The following STMN4 variants were observed in gnomAD, a reference collection of about 807,000 sequenced individuals.
STMN4 encodes the protein stathmin 4.
A neutral mutation model predicts 29.1 loss-of-function variants in STMN4; 12 were observed. That is an observed-to-expected ratio of 0.41 (90% confidence interval 0.26 to 0.67). STMN4 has a LOEUF of 0.67. STMN4 is among the 30% of genes least tolerant of loss of function. The pLI, the probability that STMN4 is intolerant of heterozygous loss-of-function variation, is 0.30. For missense variants in STMN4, 181 were observed against 262.8 expected (o/e 0.69, Z 2.15); for synonymous variants, 114 against 105.3 (o/e 1.08, Z -0.51).
intron 1 of STMN4, among the ~76,000 whole-genome samples, chr8:27,253,091 C>T (rs539735601): frequency 2.0e-4 from 30 of 152,214 alleles, no homozygotes; most frequent in Non-Finnish European, 4.1e-4. Flanking sequence ...TAGTAGCAGC[C>T]ATGGAGCTCT....
At chr8:27,241,841 C>T in intron 3 of STMN4, 84 bp from the exon 4 acceptor site, 2 of 1,534,114 alleles carry the variant, frequency 1.3e-6, no homozygotes, top group Non-Finnish European at 1.8e-6. Context: ...CTGCTTCTAA[C>T]CAGGACATTA....
At chr8:27,254,943 G>T (rs1271573057) in intron 1 of STMN4, among the ~76,000 whole-genome samples, 5 of 151,938 alleles carry the variant, frequency 3.3e-5, no homozygotes, top group African/African-American at 1.2e-4. Context: ...GTGTGTAGGG[G>T]ATGGAGTGGG....
rs778838656 is a variant in STMN4, at chr8:27,240,079, G to A, written c.483C>T (p.Asn161=). The change falls in exon 6 of 7, where the codon AAC becomes AAT. Residue 161 remains asparagine, a synonymous_variant. Coordinates refer to ENST00000350889, the MANE Select transcript of STMN4 (RefSeq NM_030795.4). ...REVIQKAIEE[N]NNFIKMAKEK... ...CCTTAGCCATCTTGATGAAGTTGTT[G>A]TTTTCCTCAATGGCCTTTTGGATCA... 1 of 1,614,194 alleles carries A rather than the reference G, an allele frequency of 6.2e-7. No homozygotes were observed. Among genetic ancestry groups the A allele is most frequent in the Non-Finnish European group, 8.5e-7 (1 of 1,180,036 alleles).
chr8:27,238,083 C>A (rs1052683928), intron 6 of STMN4, among the ~76,000 whole-genome samples: 2 of 152,138 alleles, frequency 1.3e-5, no homozygotes, highest in African/African-American at 4.8e-5. Flanking sequence ...TTTCTGTGGC[C>A]TAGGAGTGAG....
chr8:27,239,290 AAC>A (rs999997015), intron 6 of STMN4: 3 of 1,535,614 alleles, frequency 2.0e-6, no homozygotes, highest in Non-Finnish European at 2.6e-6. Context: ...CTGGAAATAA[AAC>A]ACAGAGCTGG....
At position 27,251,320 on chromosome 8, in the gene STMN4, G is replaced by A. The variant is rs560013780; in HGVS notation, c.-79+7031C>T. Among the ~76,000 whole-genome samples, 15 of 132,752 alleles carry A rather than the reference G, an allele frequency of 1.1e-4. No individual in the cohort carries two copies. In the East Asian group the frequency reaches 2.1e-3, roughly 19 times the overall value. 87.1% of individuals were successfully genotyped at this position (132,752 alleles called of 152,430 possible). A position where few individuals can be genotyped will look rare whatever the true frequency, so the allele number is the denominator to read the frequency against. On this transcript the variant is annotated intron_variant, in intron 1 of 6. Coordinates refer to ENST00000350889, the MANE Select transcript of STMN4 (RefSeq NM_030795.4). Reference sequence around the variant, plus strand: ...TATACATATAATATTATATATATACGTATATACGTGTATATATATTATATA... The same window carrying A: ...TATACATATAATATTATATATATACATATATACGTGTATATATATTATATA...
intron 1 of STMN4, 135 bp from the exon 2 acceptor site, chr8:27,243,936 A>C: frequency 1.3e-6 from 1 of 748,978 alleles, no homozygotes; most frequent in South Asian, 1.8e-5. Flanking sequence ...CTCCCCACCA[A>C]CTCTCCCTGG....
In STMN4 at chr8:27,241,788, G is replaced by A. The variant is rs375272418; in HGVS notation, c.110-31C>T. 16 of 1,612,482 alleles carry A rather than the reference G, an allele frequency of 9.9e-6. No homozygotes were observed. In the African/African-American group the frequency reaches 1.3e-4, roughly 13 times the overall value. ...CAGAAAAAACAACCTCAGGTCATCC[G>A]AGCATGCCTGTTCCTTGGTGCCAGA... On this transcript the variant is annotated intron_variant, in intron 3 of 6. Coordinates refer to ENST00000350889, the MANE Select transcript of STMN4 (RefSeq NM_030795.4).
chr8:27,250,962 G>C (rs1331767783), intron 1 of STMN4, among the ~76,000 whole-genome samples: 1 of 152,146 alleles, frequency 6.6e-6, no homozygotes, highest in Non-Finnish European at 1.5e-5. Flanking sequence ...AATATATGCA[G>C]AAGCGGCTGA....
chr8:27,240,979 G>C (rs1268745324), intron 5 of STMN4, 75 bp downstream of exon 5: 2 of 1,461,798 alleles, frequency 1.4e-6, no homozygotes, highest in Non-Finnish European at 1.9e-6. Flanking sequence ...TCCCAGCTCA[G>C]GTCCACCACC....
At chr8:27,237,380 C>T (rs914795264) in intron 6 of STMN4, among the ~76,000 whole-genome samples, 2 of 152,160 alleles carry the variant, frequency 1.3e-5, no homozygotes, top group Non-Finnish European at 2.9e-5. Flanking sequence ...TTGCCTTAAC[C>T]CTCTTGGTGA....
At chr8:27,250,240 T>C (rs1378162141) in intron 1 of STMN4, among the ~76,000 whole-genome samples, 1 of 152,228 alleles carries the variant, frequency 6.6e-6, no homozygotes, top group African/African-American at 2.4e-5. Context: ...CTCAGAACAG[T>C]GGCCCTGGTT....
At chr8:27,254,553 C>G (rs762851181) in intron 1 of STMN4, among the ~76,000 whole-genome samples, 2 of 151,986 alleles carry the variant, frequency 1.3e-5, no homozygotes, top group Non-Finnish European at 2.9e-5. Context: ...ATGGAAAGGC[C>G]AGCAAGCTTT....
intron 1 of STMN4, among the ~76,000 whole-genome samples, chr8:27,254,612 G>T (rs1363148423): frequency 6.6e-6 from 1 of 152,088 alleles, no homozygotes; most frequent in East Asian, 1.9e-4. Flanking sequence ...GTAGGGGATG[G>T]AGTGGGAGCA....
At chr8:27,238,243 C>T (rs963495826) in intron 6 of STMN4, among the ~76,000 whole-genome samples, 1 of 152,188 alleles carries the variant, frequency 6.6e-6, no homozygotes, top group African/African-American at 2.4e-5. Flanking sequence ...GTCTGGTACA[C>T]AGGGTCAGTG....
At chr8:27,246,555 G>A (rs1209317322) in intron 1 of STMN4, among the ~76,000 whole-genome samples, 3 of 151,658 alleles carry the variant, frequency 2.0e-5, no homozygotes, top group African/African-American at 7.3e-5. Context: ...CTGTGAATAT[G>A]AGCTTATTTG....
chr8:27,253,665 T>A (rs1212290617), intron 1 of STMN4, among the ~76,000 whole-genome samples: 1 of 152,232 alleles, frequency 6.6e-6, no homozygotes, highest in Non-Finnish European at 1.5e-5. Context: ...CTCTAAATTC[T>A]GGTGTTTTCT....
chr8:27,241,321 G>A, intron 4 of STMN4, 59 bp from the exon 5 acceptor site: 1 of 1,599,998 alleles, frequency 6.3e-7, no homozygotes, highest in Non-Finnish European at 8.5e-7. Flanking sequence ...CACCCAGCAA[G>A]CATGCGGCGC....
intron 1 of STMN4, among the ~76,000 whole-genome samples, chr8:27,256,422 T>A (rs1221877559): frequency 2.0e-5 from 3 of 152,228 alleles, no homozygotes; most frequent in Admixed American, 2.0e-4. Flanking sequence ...TTCATAGGCT[T>A]GTAGTCTTAG....
Sources: gnomAD v4.1 joint callset for allele counts (sites outside exome capture counted in the v4.1 genomes callset) on GRCh38, gnomAD v4.1.1 for gene constraint, MANE v1.5 for transcripts, NCBI Gene and HGNC (gene_info 2026-07-23, HGNC 2026-07-21) for gene names.